ACER1: variants seen among roughly 807,000 people sequenced by gnomAD.
ACER1 encodes the protein CTB-180A7.3.
A neutral mutation model predicts 24.9 loss-of-function variants in ACER1; 28 were observed. That is an observed-to-expected ratio of 1.13 (90% confidence interval 0.83 to 1.54). The LOEUF is 1.54. Among genes scored for constraint, ACER1 ranks in the 40% most tolerant of loss-of-function variants. The pLI is 0.00. For synonymous variants in ACER1, 132 were observed against 131.4 expected, an observed-to-expected ratio of 1.00 and a Z score of -0.03; for missense variants, 352 against 349.3, an observed-to-expected ratio of 1.01 and a Z score of -0.06.
At chr19:6,308,354 G>A (rs2091561755) in intron 4 of ACER1, among the ~76,000 whole-genome samples, 1 of 148,174 alleles carries the variant, frequency 6.7e-6, no homozygotes, top group African/African-American at 2.5e-5. Flanking sequence ...AGAGTCGCTT[G>A]AACCCAGGAG....
chr19:6,327,799 A>T (rs1332475228), intron 1 of ACER1, among the ~76,000 whole-genome samples: 3 of 151,674 alleles, frequency 2.0e-5, no homozygotes, highest in Non-Finnish European at 4.4e-5. Context: ...AAAATTGGCC[A>T]GGCACGGTGG....
chr19:6,315,828 A>G (rs1392357995), intron 1 of ACER1, among the ~76,000 whole-genome samples: 1 of 152,180 alleles, frequency 6.6e-6, no homozygotes, highest in Non-Finnish European at 1.5e-5. Context: ...AATACTATTT[A>G]GCCATTAAAA....
the ACER1 span, chr19:6,360,034 A>G: frequency 6.6e-6 from 1 of 152,166 alleles, no homozygotes; most frequent in Non-Finnish European, 1.5e-5. Context: ...GTGTGGCAAA[A>G]AAGAGAAGTC....
chr19:6,320,307 C>T (rs936437404), intron 1 of ACER1, among the ~76,000 whole-genome samples: 2 of 152,022 alleles, frequency 1.3e-5, no homozygotes, highest in Non-Finnish European at 1.5e-5. Flanking sequence ...GGCCACAGCA[C>T]AAGACTTAAT....
chr19:6,355,814 C>A, the ACER1 span, among the ~76,000 whole-genome samples: 1 of 147,068 alleles, frequency 6.8e-6, no homozygotes, highest in African/African-American at 2.6e-5. Context: ...TTCAGCCCCC[C>A]GCCCGGCCAG....
chr19:6,309,089 C>A (rs1289852263), intron 4 of ACER1, among the ~76,000 whole-genome samples: 1 of 152,062 alleles, frequency 6.6e-6, no homozygotes, highest in Non-Finnish European at 1.5e-5. Flanking sequence ...CTCCCAGCTG[C>A]TCGGGAGGCT....
chr19:6,306,545 A>G lies in ACER1; in HGVS notation c.*169T>C. 1.3e-6 allele frequency: 1 copy of G among 768,046 alleles called. No homozygotes were observed. Among genetic ancestry groups the G allele is most frequent in the Non-Finnish European group, 2.0e-6 (1 of 504,228 alleles). The allele number at this position is 768,046 out of a possible 1,614,324, so 47.6% of individuals were successfully genotyped here. A position where few individuals can be genotyped will look rare whatever the true frequency, so the allele number is the denominator to read the frequency against. ...CAGGCTGCTGCTCAGAGATGTCACA[A>G]AGTCCATCATCTGCCTCAAGGCAGG... On this transcript the variant is annotated 3_prime_UTR_variant, in exon 6 of 6. Transcript: ENST00000301452.
chr19:6,334,703 C>A (rs1268116729), upstream of ACER1, among the ~76,000 whole-genome samples: 1 of 151,054 alleles, frequency 6.6e-6, no homozygotes, highest in Non-Finnish European at 1.5e-5. Flanking sequence ...CCTCTCTGAT[C>A]CTCTGTTTGC....
chr19:6,329,356 TATAGA>T (rs57029699), intron 1 of ACER1, among the ~76,000 whole-genome samples: 2,492 of 134,002 alleles, frequency 0.019, 49 homozygotes, highest in Admixed American at 0.058. Context: ...GGCTTTTTGA[TATAGA>T]ATAGAATAGA....
the ACER1 span, among the ~76,000 whole-genome samples, chr19:6,355,771 G>T: frequency 7.0e-6 from 1 of 142,172 alleles, no homozygotes; most frequent in Non-Finnish European, 1.5e-5. Context: ...CCCCCACCCG[G>T]CCAGCCGCCC....
In ACER1 at chr19:6,312,338, C is replaced by T. The variant is rs764669714; in HGVS notation, c.208+47G>A. 7 of 1,613,670 alleles carry T rather than the reference C, an allele frequency of 4.3e-6. No homozygotes were observed. In the South Asian group the frequency reaches 6.6e-5, roughly 15 times the overall value. ...TCAGTGGGGTCCGCCACCTCCTAAA[C>T]CCCCACTGCCTCCCGACTGTCACAG... On this transcript the variant is annotated intron_variant, in intron 2 of 5. Coordinates refer to ENST00000301452, the MANE Select transcript of ACER1 (RefSeq NM_133492.3).
chr19:6,310,322 C>T (rs1182311002), intron 3 of ACER1, among the ~76,000 whole-genome samples: 2 of 150,760 alleles, frequency 1.3e-5, no homozygotes, highest in African/African-American at 4.9e-5. Flanking sequence ...CTCCTGACCT[C>T]GTGATCCGCC....
the ACER1 span, chr19:6,353,331 C>CA: frequency 7.1e-4 from 104 of 146,556 alleles, no homozygotes; most frequent in Middle Eastern, 3.5e-3. Flanking sequence ...GACTCTACTT[C>CA]AAAAAAAAAA....
chr19:6,319,016 G>A (rs971742234), intron 1 of ACER1, among the ~76,000 whole-genome samples: 16 of 151,762 alleles, frequency 1.1e-4, no homozygotes, highest in Non-Finnish European at 1.8e-4. Flanking sequence ...AGGCTGATGC[G>A]GGCCATGCAC....
the ACER1 span, among the ~76,000 whole-genome samples, chr19:6,347,109 A>AAAATATATATATATATAT: frequency 2.2e-4 from 25 of 113,764 alleles, no homozygotes; most frequent in African/African-American, 1.1e-3. Context: ...AAAAAAAAAA[A>AAAATATATATATATATAT]ATATATATAT....
chr19:6,315,274 G>A (rs2145002444), intron 1 of ACER1, among the ~76,000 whole-genome samples: 1 of 151,936 alleles, frequency 6.6e-6, no homozygotes, highest in Non-Finnish European at 1.5e-5. Flanking sequence ...CACGATCATG[G>A]GTCACTGCAG....
chr19:6,339,730 C>A, the ACER1 span, among the ~76,000 whole-genome samples: 1 of 151,968 alleles, frequency 6.6e-6, no homozygotes, highest in Non-Finnish European at 1.5e-5. Context: ...TGCAGTGGTG[C>A]GATCTCGGCT....
intron 1 of ACER1, among the ~76,000 whole-genome samples, chr19:6,320,184 A>G (rs747772198): frequency 5.3e-5 from 8 of 151,596 alleles, no homozygotes; most frequent in Non-Finnish European, 1.2e-4. Flanking sequence ...CCTCATTGCC[A>G]AAGCTCAAAC....
the ACER1 span, among the ~76,000 whole-genome samples, chr19:6,354,948 G>A: frequency 2.0e-5 from 3 of 152,152 alleles, no homozygotes; most frequent in African/African-American, 7.2e-5. Context: ...TCAGCCTGCC[G>A]AGTGCCTGTG....
Sources: gnomAD v4.1 joint callset for allele counts (sites outside exome capture counted in the v4.1 genomes callset) on GRCh38, gnomAD v4.1.1 for gene constraint, MANE v1.5 for transcripts, NCBI Gene and HGNC (gene_info 2026-07-23, HGNC 2026-07-21) for gene names.